The following MED15 variants were observed in gnomAD, a reference collection of about 807,000 sequenced individuals.
MED15 encodes the protein mediator of RNA polymerase II transcription subunit 15.
Under a neutral mutation model 118.7 loss-of-function variants are expected in MED15, and 41 were observed. That is an observed-to-expected ratio of 0.35 (90% CI 0.27 to 0.45). MED15 has a LOEUF of 0.45. Among genes scored for constraint, MED15 ranks in the 20% least tolerant of loss-of-function variants. The pLI, the probability that MED15 is intolerant of heterozygous loss-of-function variation, is 1.00. For synonymous variants in MED15, 436 were observed against 413.9 expected (o/e 1.05, Z -0.65); for missense variants, 740 against 1,025.5 (o/e 0.72, Z 3.80).
Position 20,556,034 on chromosome 22 carries a change from C to T in MED15, c.451+886C>T, listed in dbSNP as rs553782701. 4.7e-4 allele frequency among the ~76,000 whole-genome samples: 71 copies of T among 152,234 alleles called. No homozygotes were observed. The South Asian group carries it at 0.014, about 31-fold the overall frequency. On this transcript the variant is annotated intron_variant, in intron 5 of 17. Coordinates refer to ENST00000263205, the MANE Select transcript of MED15 (RefSeq NM_001003891.3). ...CAACGCGCCTGCCCTTAGGACCTAT[C>T]TTGATGTATCCTTGAGTCCCATCAA...
rs1437353780 is a variant in MED15 at position 20,544,790 on chromosome 22, A to G, written c.157-6646A>G. Among the ~76,000 whole-genome samples, 10 of 152,320 alleles carry G rather than the reference A, an allele frequency of 6.6e-5. No homozygotes were observed. In the East Asian group the frequency reaches 1.5e-3, roughly 23 times the overall value. On this transcript the variant is annotated intron_variant, in intron 2 of 17. Coordinates refer to ENST00000263205, the MANE Select transcript of MED15 (RefSeq NM_001003891.3). ...TATAGGAGAGGAACCTGTTTCTTGC[A>G]TCTTTTAGCTTTTGGTCACTGCTGG...
At chr22:20,582,535 C>G (rs539857070) in intron 9 of MED15, 76 bp from the exon 10 acceptor site, 80 of 1,531,482 alleles carry the variant, frequency 5.2e-5, no homozygotes, top group Middle Eastern at 2.0e-4. Context: ...TGGGCCTATG[C>G]GTGCGGTGGG....
rs970901391 is a variant in MED15 at position 20,571,214 on chromosome 22, G to A, written c.1152+2583G>A. On this transcript the variant is annotated intron_variant, in intron 8 of 17. Coordinates refer to ENST00000263205, the MANE Select transcript of MED15 (RefSeq NM_001003891.3). ...GCAGTCTCACTGGCATCCCATCACC[G>A]TCCAGAAGCAGGATGCCAGCTGTGT... Among the ~76,000 whole-genome samples the A allele has an allele frequency of 1.1e-4, 17 of 152,338 alleles. No homozygotes were observed. The South Asian group carries it at 1.7e-3, about 15-fold the overall frequency.
intron 1 of MED15, among the ~76,000 whole-genome samples, chr22:20,529,568 T>C (rs1036410409): frequency 9.9e-5 from 15 of 151,992 alleles, no homozygotes; most frequent in African/African-American, 3.4e-4. Flanking sequence ...GGGATTATAA[T>C]GCACGCCACC....
chr22:20,547,628 G>GCTAACACAGTGAAACCCCGT (rs1213772494), intron 2 of MED15, among the ~76,000 whole-genome samples: 25 of 152,172 alleles, frequency 1.6e-4, no homozygotes, highest in African/African-American at 5.8e-4. Context: ...GACCATCCTG[G>GCTAACACAGTGAAACCCCGT]CTAACACAGT....
chr22:20,564,806 G>A, intron 6 of MED15, 118 bp downstream of exon 6: 2 of 1,504,560 alleles, frequency 1.3e-6, no homozygotes, highest in South Asian at 1.3e-5. Flanking sequence ...CTTGACACGT[G>A]TGCCTGCCCT....
chr22:20,569,771 C>T (rs1164231969), intron 8 of MED15, among the ~76,000 whole-genome samples: 1 of 152,162 alleles, frequency 6.6e-6, no homozygotes, highest in Non-Finnish European at 1.5e-5. Flanking sequence ...CACCACAGAA[C>T]TCACATTTAC....
chr22:20,585,647 GAGTCC>G, intron 16 of MED15, 76 bp from the exon 17 acceptor site: 1 of 1,291,186 alleles, frequency 7.7e-7, no homozygotes, highest in Non-Finnish European at 1.1e-6. Context: ...CCTGGGTGTG[GAGTCC>G]TGTTCCAGAG....
chr22:20,579,980 G>C (rs139733628), intron 9 of MED15, among the ~76,000 whole-genome samples: 25 of 152,088 alleles, frequency 1.6e-4, no homozygotes, highest in African/African-American at 5.5e-4. Context: ...ATGAGTCTTT[G>C]GGGGGCTGCT....
chr22:20,583,604 C>T, intron 13 of MED15: 3 of 592,286 alleles, frequency 5.1e-6, no homozygotes, highest in Non-Finnish European at 5.9e-6. Context: ...CTATTCCTGG[C>T]TGCTGCTGTG....
chr22:20,529,550 G>A (rs371032021), intron 1 of MED15, among the ~76,000 whole-genome samples: 14 of 152,130 alleles, frequency 9.2e-5, no homozygotes, highest in African/African-American at 3.1e-4. Flanking sequence ...TCGGCCTCCC[G>A]AGTAACTGGG....
chr22:20,584,488 T>C (rs165747), intron 14 of MED15, 63 bp downstream of exon 14: 853,287 of 1,568,180 alleles, frequency 0.54, 239,993 homozygotes, highest in East Asian at 0.86. Context: ...CTGGGAGTGC[T>C]GCTGAGAGGG....
At chr22:20,559,423 A>G (rs1175075578) in intron 5 of MED15, among the ~76,000 whole-genome samples, 2 of 152,194 alleles carry the variant, frequency 1.3e-5, no homozygotes, top group African/African-American at 4.8e-5. Flanking sequence ...AAGGGTAAGA[A>G]ATGAGGATAA....
chr22:20,513,293 T>C (rs2054140752), intron 1 of MED15, among the ~76,000 whole-genome samples: 1 of 151,512 alleles, frequency 6.6e-6, no homozygotes, highest in Non-Finnish European at 1.5e-5. Flanking sequence ...TTTTTTTTTT[T>C]TTTTGAGACG....
intron 6 of MED15, among the ~76,000 whole-genome samples, chr22:20,565,446 G>GA (rs1346664953): frequency 6.6e-6 from 1 of 152,236 alleles, no homozygotes; most frequent in Non-Finnish European, 1.5e-5. Flanking sequence ...TGCATGAGGT[G>GA]ATGGTGATGT....
intron 8 of MED15, among the ~76,000 whole-genome samples, chr22:20,572,290 AGCTTTGTATGTAT>A (rs2056689184): frequency 6.6e-6 from 1 of 152,182 alleles, no homozygotes; most frequent in Non-Finnish European, 1.5e-5. Context: ...CACGTGTTGC[AGCTTTGTATGTAT>A]GAGCTGCCGC....
intron 2 of MED15, among the ~76,000 whole-genome samples, chr22:20,537,882 G>A (rs1051824603): frequency 2.6e-5 from 4 of 152,218 alleles, no homozygotes; most frequent in Admixed American, 1.3e-4. Flanking sequence ...GGGGTAGAGT[G>A]GGCTCTGTAC....
chr22:20,564,363 T>A, intron 5 of MED15, 87 bp from the exon 6 acceptor site: 1 of 1,554,714 alleles, frequency 6.4e-7, no homozygotes, highest in Non-Finnish European at 8.7e-7. Flanking sequence ...GGGCTTTTGC[T>A]GGCTGTTTTG....
intron 1 of MED15, among the ~76,000 whole-genome samples, chr22:20,512,476 G>A (rs959443843): frequency 2.0e-5 from 3 of 151,556 alleles, no homozygotes; most frequent in Admixed American, 1.3e-4. Flanking sequence ...TTTTATCTCA[G>A]CCCTTTTTAG....
Sources: allele counts gnomAD v4.1 joint callset (sites outside exome capture counted in the v4.1 genomes callset), GRCh38; gene constraint gnomAD v4.1.1; transcripts MANE v1.5; gene names NCBI Gene and HGNC (gene_info 2026-07-23, HGNC 2026-07-21).